The following AJM1 variants were observed in gnomAD, a reference collection of about 807,000 sequenced individuals.
AJM1 encodes apical junction component 1 homolog, also known as uncharacterized protein C9orf172.
Under a neutral mutation model 43.0 loss-of-function variants are expected in AJM1, and 22 were observed. The ratio of observed to expected loss-of-function variants is 0.51; its 90% confidence interval spans 0.37 to 0.73. AJM1 has a LOEUF of 0.73. Among genes scored for constraint, AJM1 ranks in the 30% least tolerant of loss-of-function variants. The pLI is 0.00. For missense variants in AJM1, 1,305 were observed against 1,343.3 expected (o/e 0.97, Z 0.45); for synonymous variants, 719 against 638.3 (o/e 1.13, Z -1.91).
chr9:136,844,659 C>A lies in AJM1; in HGVS notation c.245C>A (p.Thr82Asn). The A allele has an allele frequency of 1.4e-6, 2 of 1,471,416 alleles. No individual in the cohort carries two copies. The highest frequency in any genetic ancestry group is 1.8e-6 in the Non-Finnish European group (2 of 1,112,062). The allele number at this position is 1,471,416 out of a possible 1,614,324, so 91.1% of individuals were successfully genotyped here. A position where few individuals can be genotyped will look rare whatever the true frequency, so the allele number is the denominator to read the frequency against. ...GAGTCCGCTGTGCCGCGCGCCCGGA[C>A]CCGCGAAGCCGAGCCACGCCGCCGC... ...PPESAVPRAR[T>N]REAEPRRRAR... Residue 82 changes from threonine to asparagine, a missense_variant, in exon 3 of 3, where the codon ACC becomes AAC. Physicochemically the swap from Thr to Asn is moderately conservative, Grantham distance 65. Around this residue, in one of 6 missense-constraint regions of AJM1, gnomAD observed 128 missense variants for 120.6 expected, o/e 1.06. Transcript: ENST00000436881.
chr9:136,845,022 G>A lies in AJM1; in HGVS notation c.608G>A (p.Gly203Asp). ...GCAGTGCTCCAGCACGCCACCCGGGGCTCGCGGTCCTGCGGGCCCACCGAG... is the reference window on the plus strand; with the variant it reads ...GCAGTGCTCCAGCACGCCACCCGGGACTCGCGGTCCTGCGGGCCCACCGAG... The part of the protein sequence containing the change: ...DDAVLQHATR[G>D]SRSCGPTEAA... The change falls in exon 3 of 3, where the codon GGC becomes GAC. Residue 203 changes from glycine to aspartate, a missense_variant. Physicochemically the swap from Gly to Asp is moderately conservative, Grantham distance 94. This residue lies in a region of AJM1 where 653 missense variants were observed against 549.1 expected (regional missense o/e 1.19). Transcript: ENST00000436881. The A allele has an allele frequency of 2.9e-6, 2 of 693,284 alleles. No homozygotes were observed. Among genetic ancestry groups the A allele is most frequent in the South Asian group, 1.6e-5 (1 of 61,536 alleles). 42.9% of individuals were successfully genotyped at this position (693,284 alleles called of 1,614,324 possible). A position where few individuals can be genotyped will look rare whatever the true frequency, so the allele number is the denominator to read the frequency against.
At position 136,844,212 on chromosome 9, in the gene AJM1, C is replaced by T. The variant is rs185100111; in HGVS notation, c.-127C>T. On this transcript the variant is annotated 5_prime_UTR_variant, in exon 2 of 3. Transcript: ENST00000436881. ...CTCCCGCAGGTGCTTCTGACCCCGG[C>T]ATGGAGGAAGCGCCCGCGTTCTCGG... 1.3e-5 allele frequency among the ~76,000 whole-genome samples: 2 copies of T among 152,218 alleles called. No individual in the cohort carries two copies. Among genetic ancestry groups the T allele is most frequent in the African/African-American group, 2.4e-5 (1 of 41,458 alleles).
At position 136,842,542 on chromosome 9, in the gene AJM1, A is replaced by G. The variant is rs1234256119; in HGVS notation, c.-191A>G. On this transcript the variant is annotated 5_prime_UTR_variant, in exon 1 of 3. Coordinates refer to ENST00000436881, the MANE Select transcript of AJM1 (RefSeq NM_001080482.5). ...CAGTGCCGGGGACACAGAGGAGCCG[A>G]CCTGGGGGTGGCACAGCCCACCGGG... Among the ~76,000 whole-genome samples the G allele has an allele frequency of 5.9e-5, 9 of 152,096 alleles. No individual in the cohort carries two copies. The highest frequency in any genetic ancestry group is 2.2e-4 in the African/African-American group (9 of 41,366).
At position 136,847,478 on chromosome 9, in the gene AJM1, C is replaced by G; in HGVS notation, c.*133C>G. 1 of 672,172 alleles carries G rather than the reference C, an allele frequency of 1.5e-6. No homozygotes were observed. 41.6% of individuals were successfully genotyped at this position (672,172 alleles called of 1,614,324 possible). A position where few individuals can be genotyped will look rare whatever the true frequency, so the allele number is the denominator to read the frequency against. ...CACCCCGACTTCTTCTAGGCCCCGC[C>G]TCTAATTCCCCAGCCTTCCAAGCTC... On this transcript the variant is annotated 3_prime_UTR_variant, in exon 3 of 3. Transcript: ENST00000436881.
At position 136,845,742 on chromosome 9, in the gene AJM1, G is replaced by A. The variant is rs1848764702; in HGVS notation, c.1328G>A (p.Arg443His). 1 of 1,577,142 alleles carries A rather than the reference G, an allele frequency of 6.3e-7. No homozygotes were observed. The stretch of plus-strand genomic sequence containing the variant: ...CCGCCCCGGCTGGCCACCGACAGCC[G>A]CCACTACTCGCGCTCCTGGGACAAC... ...TSPPRLATDSRHYSRSWDNIL... is the reference protein window; with the variant it reads ...TSPPRLATDSHHYSRSWDNIL... The change falls in exon 3 of 3, where the codon CGC becomes CAC. Residue 443 changes from arginine (R) to histidine (H), a missense_variant. Around this residue, in one of 6 missense-constraint regions of AJM1, gnomAD observed 653 missense variants for 549.1 expected, o/e 1.19. Coordinates refer to ENST00000436881, the MANE Select transcript of AJM1 (RefSeq NM_001080482.5).
rs1365024361 is a variant in AJM1 at position 136,847,560 on chromosome 9, G to T, written c.*215G>T. The T allele has an allele frequency of 4.7e-6, 2 of 429,696 alleles. No homozygotes were observed. Among genetic ancestry groups the T allele is most frequent in the African/African-American group, 2.8e-5 (1 of 35,438 alleles). The allele number at this position is 429,696 out of a possible 1,614,324, so 26.6% of individuals were successfully genotyped here. A position where few individuals can be genotyped will look rare whatever the true frequency, so the allele number is the denominator to read the frequency against. ...CCCCACCCCCCGGCCCTTCGTCCCC[G>T]TAGTGTTCCTCACAGGCCCTTCGCC... On this transcript the variant is annotated 3_prime_UTR_variant, in exon 3 of 3. Transcript: ENST00000436881.
Position 136,848,537 on chromosome 9 carries a change from G to A in AJM1, c.*1192G>A, listed in dbSNP as rs1044194861. 1 of 152,292 alleles carries A rather than the reference G, an allele frequency of 6.6e-6. No individual in the cohort carries two copies. The highest frequency in any genetic ancestry group is 1.5e-5 in the Non-Finnish European group (1 of 68,084). The allele number at this position is 152,292 out of a possible 1,614,324, so 9.4% of individuals were successfully genotyped here. On this transcript the variant is annotated 3_prime_UTR_variant, in exon 3 of 3. Coordinates refer to ENST00000436881, the MANE Select transcript of AJM1 (RefSeq NM_001080482.5). Reference sequence around the variant, plus strand: ...TCCTGGAGTCCCCAGCCCTACTTCGGAGCCAGGGGAGGGGGCACCAAGTGA... The same window carrying A: ...TCCTGGAGTCCCCAGCCCTACTTCGAAGCCAGGGGAGGGGGCACCAAGTGA...
Position 136,845,037 on chromosome 9 carries a change from G to A in AJM1, c.623G>A (p.Gly208Glu), listed in dbSNP as rs1188797297. 6 of 751,692 alleles carry A rather than the reference G, an allele frequency of 8.0e-6. No homozygotes were observed. The highest frequency in any genetic ancestry group is 7.4e-5 in the African/African-American group (4 of 53,782). The allele number at this position is 751,692 out of a possible 1,614,324, so 46.6% of individuals were successfully genotyped here. ...QHATRGSRSC[G>E]PTEAAHWARP... is the part of the protein sequence containing the mutation. ...GCCACCCGGGGCTCGCGGTCCTGCG[G>A]GCCCACCGAGGCCGCGCACTGGGCC... The change falls in exon 3 of 3, where the codon GGG (glycine) becomes GAG (glutamate). Residue 208 changes from glycine (G) to glutamate (E), a missense_variant. Physicochemically the swap from Gly to Glu is moderately conservative, Grantham distance 98 (BLOSUM62 -2). Coordinates refer to ENST00000436881, the MANE Select transcript of AJM1 (RefSeq NM_001080482.5).
In AJM1 at chr9:136,844,716, C is replaced by T. The variant is rs926625810; in HGVS notation, c.302C>T (p.Pro101Leu). ...TCCAAGAGTGCGCCCCGCGCGCCCC[C>T]GGGCCTGACGCCCGCGCCCGCCTCG... is the stretch of plus-strand genomic sequence containing the variant. ...ARSKSAPRAP[P>L]GLTPAPASPP... is the part of the protein sequence containing the mutation. The change falls in exon 3 of 3, where the codon CCG becomes CTG. Residue 101 changes from proline to leucine, a missense_variant. By Grantham distance (98) the Pro-to-Leu change is moderately conservative (BLOSUM62 -3). This residue lies in a region of AJM1 where 653 missense variants were observed against 549.1 expected (regional missense o/e 1.19). Transcript: ENST00000436881. 7 of 880,496 alleles carry T rather than the reference C, an allele frequency of 8.0e-6. No individual in the cohort carries two copies. The highest frequency in any genetic ancestry group is 1.0e-4 in the South Asian group (2 of 19,790). The allele number at this position is 880,496 out of a possible 1,614,324, so 54.5% of individuals were successfully genotyped here. A position where few individuals can be genotyped will look rare whatever the true frequency, so the allele number is the denominator to read the frequency against.
At position 136,845,705 on chromosome 9, in the gene AJM1, A is replaced by ACCGGCACCAGTCCGCC; in HGVS notation, c.1297_1312dup (p.Leu438HisfsTer105). 1 of 1,568,926 alleles carries ACCGGCACCAGTCCGCC rather than the reference A, an allele frequency of 6.4e-7. No individual in the cohort carries two copies. ...GTTGCTCGCCTCCTGGCACGGCGGC[A>ACCGGCACCAGTCCGCC]CCGGCACCAGTCCGCCCCGGCTGGC... On this transcript the variant is annotated frameshift_variant, in exon 3 of 3. Coordinates refer to ENST00000436881, the MANE Select transcript of AJM1 (RefSeq NM_001080482.5). LOFTEE classifies it high-confidence loss of function.
In AJM1 at chr9:136,845,509, C is replaced by A; in HGVS notation, c.1095C>A (p.Pro365=). 6.2e-7 allele frequency: 1 copy of A among 1,600,672 alleles called. No individual in the cohort carries two copies. The highest frequency in any genetic ancestry group is 8.5e-7 in the Non-Finnish European group (1 of 1,174,646). The change falls in exon 3 of 3, where the codon CCC becomes CCA. Residue 365 remains proline, a synonymous_variant. Coordinates refer to ENST00000436881, the MANE Select transcript of AJM1 (RefSeq NM_001080482.5). The part of the protein sequence containing the change: ...PYGPRYVPEE[P]RAHSTARPFY... ...GGCCCCGCTATGTCCCCGAGGAGCC[C>A]CGGGCCCACTCCACCGCCCGCCCCT...
At chr9:136,843,014 G>A (rs1310610202) in intron 1 of AJM1, among the ~76,000 whole-genome samples, 1 of 144,052 alleles carries the variant, frequency 6.9e-6, no homozygotes, top group Non-Finnish European at 1.5e-5. Context: ...AGATGGGGGG[G>A]TGGGCGGGGG....
intron 1 of AJM1, among the ~76,000 whole-genome samples, chr9:136,842,914 ATCCGGCCGGAT>A (rs1218427125): frequency 1.3e-5 from 2 of 151,792 alleles, no homozygotes; most frequent in Non-Finnish European, 2.9e-5. Flanking sequence ...ACACCCTGTC[ATCCGGCCGGAT>A]TCCGGCCTGG....
In AJM1 at chr9:136,846,331, C is replaced by G; in HGVS notation, c.1917C>G (p.Ala639=). The change falls in exon 3 of 3, where the codon GCC becomes GCG. Residue 639 remains alanine, a synonymous_variant. Transcript: ENST00000436881. The part of the protein sequence containing the change: ...PRSPPASAGS[A]EEPAAPGEAA... ...CGCCCCCCGCCTCGGCCGGCAGCGC[C>G]GAGGAGCCCGCGGCCCCGGGAGAGG... 7.7e-7 allele frequency: 1 copy of G among 1,292,116 alleles called. No homozygotes were observed. Among genetic ancestry groups the G allele is most frequent in the Non-Finnish European group, 9.9e-7 (1 of 1,013,488 alleles). The allele number at this position is 1,292,116 out of a possible 1,614,324, so 80.0% of individuals were successfully genotyped here. A position where few individuals can be genotyped will look rare whatever the true frequency, so the allele number is the denominator to read the frequency against.
At position 136,845,883 on chromosome 9, in the gene AJM1, C is replaced by T. The variant is rs1390775177; in HGVS notation, c.1469C>T (p.Pro490Leu). Residue 490 changes from proline (P) to leucine (L), a missense_variant, in exon 3 of 3, where the codon CCG (proline) becomes CTG (leucine). Coordinates refer to ENST00000436881, the MANE Select transcript of AJM1 (RefSeq NM_001080482.5). ...PRGVSPEGRR[P>L]PVVVNLSTSP... ...GGCGTGTCCCCCGAAGGCCGGCGCC[C>T]GCCCGTCGTCGTGAACCTGTCCACC... 1.9e-6 allele frequency: 3 copies of T among 1,558,000 alleles called. No homozygotes were observed. Among genetic ancestry groups the T allele is most frequent in the South Asian group, 1.2e-5 (1 of 84,758 alleles).
rs1234100918 is a variant in AJM1 at position 136,844,563 on chromosome 9, G to A, written c.149G>A (p.Cys50Tyr). Residue 50 changes from cysteine (C) to tyrosine (Y), a missense_variant, in exon 3 of 3, where the codon TGC becomes TAC. By Grantham distance (194) the Cys-to-Tyr change is radical. This residue lies in a region of AJM1 where 128 missense variants were observed against 120.6 expected (regional missense o/e 1.06). Transcript: ENST00000436881. ...AEPAPFNKRH[C>Y]RSFDFLEALD... ...CCCGCGCCTTTCAACAAGCGCCACT[G>A]CCGCAGCTTCGACTTCCTGGAGGCG... The A allele has an allele frequency of 5.0e-6, 8 of 1,602,548 alleles. No homozygotes were observed. The highest frequency in any genetic ancestry group is 1.7e-5 in the Admixed American group (1 of 59,122).
In AJM1 at chr9:136,847,656, CAGA is replaced by C. The variant is rs900756641; in HGVS notation, c.*317_*319del. 60 of 359,192 alleles carry C rather than the reference CAGA, an allele frequency of 1.7e-4. 1 individual carries two copies. The highest frequency in any genetic ancestry group is 7.3e-4 in the Admixed American group (15 of 20,570). The allele number at this position is 359,192 out of a possible 1,614,324, so 22.3% of individuals were successfully genotyped here. Reference sequence around the variant, plus strand: ...CTCCCAGCTCGCCCTCGAGGATCCCCAGAAGAAGTCGGTCCTCGCCCTCGGTGC... The same window carrying C: ...CTCCCAGCTCGCCCTCGAGGATCCCCAGAAGTCGGTCCTCGCCCTCGGTGC... On this transcript the variant is annotated 3_prime_UTR_variant, in exon 3 of 3. Transcript: ENST00000436881.
At position 136,845,402 on chromosome 9, in the gene AJM1, G is replaced by A. The variant is rs556778623; in HGVS notation, c.988G>A (p.Glu330Lys). 9.9e-6 allele frequency: 16 copies of A among 1,612,450 alleles called. No homozygotes were observed. In the African/African-American group the frequency reaches 1.6e-4, roughly 16 times the overall value. The change falls in exon 3 of 3, where the codon GAG (glutamate) becomes AAG (lysine). Residue 330 changes from glutamate to lysine, a missense_variant. This residue lies in a region of AJM1 where 653 missense variants were observed against 549.1 expected (regional missense o/e 1.19). Coordinates refer to ENST00000436881, the MANE Select transcript of AJM1 (RefSeq NM_001080482.5). Reference sequence around the variant, plus strand: ...GCGCATGGGCGGCTACTACGCAGGAGAGGTGCGCACCTTCCCAATCCAGGA... The same window carrying A: ...GCGCATGGGCGGCTACTACGCAGGAAAGGTGCGCACCTTCCCAATCCAGGA... ...PRRMGGYYAG[E>K]VRTFPIQEPP...
Position 136,845,647 on chromosome 9 carries a change from C to A in AJM1, c.1233C>A (p.Thr411=). The A allele has an allele frequency of 2.5e-6, 4 of 1,578,836 alleles. No homozygotes were observed. Among genetic ancestry groups the A allele is most frequent in the Non-Finnish European group, 3.4e-6 (4 of 1,169,602 alleles). Reference sequence around the variant, plus strand: ...ACTGGGGCCCGCGACCGTACCGCACCCTGCAAGTGGTGCCGCCCTCTGACC... The same window carrying A: ...ACTGGGGCCCGCGACCGTACCGCACACTGCAAGTGGTGCCGCCCTCTGACC... ...WADWGPRPYR[T]LQVVPPSDPD... Residue 411 remains threonine, a synonymous_variant, in exon 3 of 3, where the codon ACC becomes ACA. Transcript: ENST00000436881.
Sources: allele counts gnomAD v4.1 joint callset (sites outside exome capture counted in the v4.1 genomes callset), GRCh38; gene constraint gnomAD v4.1.1; regional missense constraint gnomAD v4.1.1; transcripts MANE v1.5; gene names NCBI Gene and HGNC (gene_info 2026-07-23, HGNC 2026-07-21).